The following S100A13 variants were observed in gnomAD, a reference collection of about 807,000 sequenced individuals.
S100A13 encodes protein S100-A13.
A neutral mutation model predicts 8.2 loss-of-function variants in S100A13; 6 were observed. The ratio of observed to expected loss-of-function variants is 0.73; its 90% CI spans 0.40 to 1.44. The LOEUF is 1.44. S100A13 is among the 40% of genes most tolerant of loss of function. The probability of loss-of-function intolerance (pLI) is 0.02; values close to 1 mark genes in which losing one functional copy is unlikely to be tolerated. For synonymous variants in S100A13, 39 were observed against 45.9 expected, an observed-to-expected ratio of 0.85 and a Z score of 0.61; for missense variants, 114 against 113.6, an observed-to-expected ratio of 1.00 and a Z score of -0.02.
upstream of S100A13, chr1:153,631,633 C>T (rs752005390): frequency 9.2e-5 from 149 of 1,613,496 alleles, no homozygotes; most frequent in Non-Finnish European, 1.2e-4. Flanking sequence ...CAACCACCCC[C>T]TTGCCTCTGA....
chr1:153,631,530 T>C, upstream of S100A13: 3 of 1,613,816 alleles, frequency 1.9e-6, no homozygotes, highest in Non-Finnish European at 2.5e-6. Context: ...GCTTATGCTG[T>C]AGGCAACAGA....
chr1:153,621,475 A>G (rs996845012), intron 2 of S100A13, among the ~76,000 whole-genome samples: 4 of 151,520 alleles, frequency 2.6e-5, no homozygotes, highest in Admixed American at 2.0e-4. Flanking sequence ...TCTTTTTAAC[A>G]TTATAAAATG....
chr1:153,628,290 T>C (rs921964352), upstream of S100A13: 25 of 1,514,972 alleles, frequency 1.7e-5, no homozygotes, highest in Non-Finnish European at 2.2e-5. Context: ...AAGGGCCGCC[T>C]GTTCCAGCCC....
intron 2 of S100A13, among the ~76,000 whole-genome samples, chr1:153,623,089 C>CAA (rs748535404): frequency 8.5e-6 from 1 of 118,334 alleles, no homozygotes. Context: ...GACTCTGTCT[C>CAA]AAAAAAAAAA....
chr1:153,628,158 G>C, upstream of S100A13: 2 of 1,550,546 alleles, frequency 1.3e-6, no homozygotes, highest in Non-Finnish European at 1.7e-6. Flanking sequence ...GGTACTGCAA[G>C]GCCCAGCTTG....
chr1:153,633,024 G>A (rs2101657862), upstream of S100A13: 1 of 152,262 alleles, frequency 6.6e-6, no homozygotes, highest in African/African-American at 2.4e-5. Flanking sequence ...AGCGGGGCAT[G>A]GTGGTACGCG....
intron 2 of S100A13, among the ~76,000 whole-genome samples, chr1:153,621,384 T>C (rs2101557167): frequency 6.6e-6 from 1 of 151,956 alleles, no homozygotes; most frequent in Non-Finnish European, 1.5e-5. Flanking sequence ...CTCAAACTCC[T>C]GACCTCAGGT....
chr1:153,625,168 G>T (rs535009131), intron 2 of S100A13, among the ~76,000 whole-genome samples: 1 of 152,304 alleles, frequency 6.6e-6, no homozygotes, highest in African/African-American at 2.4e-5. Flanking sequence ...AGCCCGGAAG[G>T]TCAAGGATGC....
chr1:153,621,841 T>C (rs544230883), intron 2 of S100A13, among the ~76,000 whole-genome samples: 1 of 150,668 alleles, frequency 6.6e-6, no homozygotes, highest in East Asian at 2.0e-4. Flanking sequence ...CCAGCCTGGG[T>C]GACAGAGTGA....
intron 1 of S100A13, 111 bp from the exon 2 acceptor site, chr1:153,626,644 G>T: frequency 1.7e-6 from 1 of 589,818 alleles, no homozygotes; most frequent in Non-Finnish European, 2.9e-6. Context: ...CCTGGAGGGG[G>T]CATATGGGGA....
chr1:153,619,309 A>T (rs1306672918), intron 2 of S100A13, among the ~76,000 whole-genome samples: 1 of 152,148 alleles, frequency 6.6e-6, no homozygotes, highest in Non-Finnish European at 1.5e-5. Context: ...ACAAACCACA[A>T]ACAGGTTGTC....
At chr1:153,626,760 G>A in intron 1 of S100A13, 1 of 342,160 alleles carries the variant, frequency 2.9e-6, no homozygotes, top group South Asian at 5.6e-5. Flanking sequence ...TCTTCTGTAG[G>A]TCTCACAATC....
At chr1:153,632,699 G>A (rs895879141), upstream of S100A13, among the ~76,000 whole-genome samples, 2 of 152,014 alleles carry the variant, frequency 1.3e-5, no homozygotes, top group African/African-American at 2.4e-5. Context: ...AGGATGCTGG[G>A]CCATTACTTA....
chr1:153,630,321 G>A, upstream of S100A13: 2 of 678,080 alleles, frequency 2.9e-6, no homozygotes, highest in Non-Finnish European at 4.8e-6. Context: ...CAGAGAACAG[G>A]CCTGCACTTA....
upstream of S100A13, chr1:153,628,349 G>A: frequency 6.5e-7 from 1 of 1,537,292 alleles, no homozygotes; most frequent in Non-Finnish European, 8.8e-7. Context: ...GCCCCACAGG[G>A]TGTTCGTCTG....
intron 2 of S100A13, 122 bp from the exon 3 acceptor site, chr1:153,619,160 C>T: frequency 2.3e-6 from 2 of 887,676 alleles, no homozygotes; most frequent in South Asian, 1.8e-5. Flanking sequence ...TGGCACCTGC[C>T]CCTTCTCTAA....
chr1:153,623,332 TGATTTCGGGGAGG>T (rs1257529848), intron 2 of S100A13, among the ~76,000 whole-genome samples: 4 of 151,370 alleles, frequency 2.6e-5, no homozygotes, highest in Non-Finnish European at 5.9e-5. Context: ...AGAAGACTGC[TGATTTCGGGGAGG>T]GAGCACATAC....
chr1:153,618,966 A>G lies in S100A13; in HGVS notation c.226T>C (p.Tyr76His). Residue 76 changes from tyrosine to histidine, a missense_variant, in exon 3 of 3, where the codon TAC becomes CAC. Physicochemically the swap from Tyr to His is moderately conservative, Grantham distance 83. Coordinates refer to ENST00000476133, the MANE Select transcript of S100A13 (RefSeq NM_001024211.2). ...NQDSELKFNE[Y>H]WRLIGELAKE... ...GCCAGCTCCCCAATCAATCTCCAGT[A>G]CTCATTGAACTTGAGCTCCGAGTCC... The G allele has an allele frequency of 6.2e-7, 1 of 1,613,368 alleles. No individual in the cohort carries two copies. Among genetic ancestry groups the G allele is most frequent in the Non-Finnish European group, 8.5e-7 (1 of 1,179,462 alleles).
chr1:153,621,776 C>T (rs1229939590), intron 2 of S100A13, among the ~76,000 whole-genome samples: 3 of 151,572 alleles, frequency 2.0e-5, no homozygotes, highest in South Asian at 2.1e-4. Flanking sequence ...AAGAATCGCT[C>T]GAACCCAAGA....
Sources: gnomAD v4.1 joint callset for allele counts (sites outside exome capture counted in the v4.1 genomes callset) on GRCh38, gnomAD v4.1.1 for gene constraint, MANE v1.5 for transcripts, NCBI Gene and HGNC (gene_info 2026-07-23, HGNC 2026-07-21) for gene names.